Variants in CACNA2D4 observed in about 807,000 individuals in gnomAD.
The protein encoded by CACNA2D4 is voltage-dependent calcium channel subunit alpha-2/delta-4.
In CACNA2D4, 157 loss-of-function variants were observed where a neutral mutation model predicts 163.8. The observed-to-expected ratio is 0.96, with a 90% CI of 0.84 to 1.09. The LOEUF is 1.09. Among genes scored for constraint, CACNA2D4 ranks in the 50% least tolerant of loss-of-function variants. CACNA2D4 has a pLI of 0.00. For synonymous variants in CACNA2D4, 598 were observed against 586.9 expected (o/e 1.02, Z -0.27); for missense variants, 1,410 against 1,479.9 (o/e 0.95, Z 0.78).
chr12:1,809,357 G>C lies in CACNA2D4; in HGVS notation c.2721+921C>G, dbSNP rs112390921. The C allele has an allele frequency of 5.0e-6, 3 of 603,776 alleles. No individual in the cohort carries two copies. In the African/African-American group the frequency reaches 5.6e-5, roughly 11 times the overall value. 37.4% of individuals were successfully genotyped at this position (603,776 alleles called of 1,614,324 possible). ...TTAGACACTGTGTAGTCCAGCCCCC[G>C]GCGAGACACAGCTAATGGAAGTCGC... is the stretch of plus-strand genomic sequence containing the variant. On this transcript the variant is annotated intron_variant, in intron 29 of 37. Coordinates refer to ENST00000382722, the MANE Select transcript of CACNA2D4 (RefSeq NM_172364.5).
At chr12:1,800,772 T>C (rs1863290310) in intron 31 of CACNA2D4, 1 of 593,348 alleles carries the variant, frequency 1.7e-6, no homozygotes, top group African/African-American at 1.9e-5. Flanking sequence ...GGGCTGAGGC[T>C]GGGGCAGGCT....
rs966072611 is a variant in CACNA2D4 at position 1,917,728 on chromosome 12, G to T, written c.227+519C>A. Among the ~76,000 whole-genome samples the T allele has an allele frequency of 6.6e-6, 1 of 152,156 alleles. No individual in the cohort carries two copies. The highest frequency in any genetic ancestry group is 1.5e-5 in the Non-Finnish European group (1 of 68,028). On this transcript the variant is annotated intron_variant, in intron 1 of 37. Coordinates refer to ENST00000382722, the MANE Select transcript of CACNA2D4 (RefSeq NM_172364.5). The surrounding 1 kb of genome is among the most constrained non-coding windows in gnomAD (Gnocchi z 4.3). ...GAAAGGTGTAGAAAGGGAAGACTGCGGCCACCAAAATCCATTTTTTTCCCC... is the reference window on the plus strand; with the variant it reads ...GAAAGGTGTAGAAAGGGAAGACTGCTGCCACCAAAATCCATTTTTTTCCCC...
At chr12:1,871,221 ATG>A (rs1439193881) in intron 18 of CACNA2D4, among the ~76,000 whole-genome samples, 19 of 118,078 alleles carry the variant, frequency 1.6e-4, no homozygotes, top group African/African-American at 4.6e-4. Flanking sequence ...TGCTTCTGGT[ATG>A]TGTGTGTACA....
rs747151454 is a variant in CACNA2D4 at position 1,918,351 on chromosome 12, G to A, written c.123C>T (p.Pro41=). 1.1e-5 allele frequency: 18 copies of A among 1,607,904 alleles called. No individual in the cohort carries two copies. The highest frequency in any genetic ancestry group is 6.7e-5 in the East Asian group (3 of 44,700). The change falls in exon 1 of 38, where the codon CCC becomes CCT. Residue 41 remains proline, a synonymous_variant. Transcript: ENST00000382722. The stretch of plus-strand genomic sequence containing the variant: ...TCTTCTGCACAAAGGCCCAGGCCAC[G>A]GGCATTGGCTGGAGGGGAATCCAGC... ...SSRWIPLQPM[P]VAWAFVQKTS...
intron 29 of CACNA2D4, among the ~76,000 whole-genome samples, chr12:1,803,829 G>A (rs1262436456): frequency 6.6e-6 from 1 of 152,204 alleles, no homozygotes; most frequent in Non-Finnish European, 1.5e-5. Flanking sequence ...TGCATGGACA[G>A]GCAGGGAACA....
chr12:1,860,280 T>C, intron 18 of CACNA2D4, 74 bp from the exon 19 acceptor site: 1 of 1,108,192 alleles, frequency 9.0e-7, no homozygotes, highest in Non-Finnish European at 1.4e-6. Flanking sequence ...CCCCCAGGGC[T>C]CTTGGGGTCT....
At chr12:1,861,772 G>T (rs1450561927) in intron 18 of CACNA2D4, among the ~76,000 whole-genome samples, 1 of 152,000 alleles carries the variant, frequency 6.6e-6, no homozygotes, top group Non-Finnish European at 1.5e-5. Context: ...AGGAAAGGGT[G>T]GATGCACAGA....
At chr12:1,915,213 T>C (rs1249057947) in intron 1 of CACNA2D4, 1 of 702,636 alleles carries the variant, frequency 1.4e-6, no homozygotes, top group South Asian at 1.5e-5. Context: ...TCCTTGTCCC[T>C]AAAGCTACAG....
chr12:1,795,559 G>T, intron 36 of CACNA2D4, 109 bp downstream of exon 36: 2 of 695,236 alleles, frequency 2.9e-6, no homozygotes, highest in South Asian at 1.7e-5. Flanking sequence ...GCCCTGTGGA[G>T]GACACGGGCG....
At chr12:1,811,950 G>A (rs930254565) in intron 26 of CACNA2D4, among the ~76,000 whole-genome samples, 5 of 152,136 alleles carry the variant, frequency 3.3e-5, no homozygotes, top group African/African-American at 9.7e-5. Context: ...GAAGAAGAGC[G>A]ACAGAAAATG....
intron 6 of CACNA2D4, among the ~76,000 whole-genome samples, chr12:1,890,079 G>A (rs1461964007): frequency 6.6e-6 from 1 of 152,190 alleles, no homozygotes; most frequent in Non-Finnish European, 1.5e-5. Context: ...GAAAGGATAA[G>A]TGAGAGACCC....
At chr12:1,831,814 C>T (rs1384145927) in intron 26 of CACNA2D4, among the ~76,000 whole-genome samples, 1 of 147,110 alleles carries the variant, frequency 6.8e-6, no homozygotes, top group Non-Finnish European at 1.5e-5. Context: ...TCCTAGGACT[C>T]ACTGAACTGG....
chr12:1,817,466 C>T (rs1017559423), intron 26 of CACNA2D4, among the ~76,000 whole-genome samples: 1 of 152,062 alleles, frequency 6.6e-6, no homozygotes, highest in Non-Finnish European at 1.5e-5. Flanking sequence ...AGATGACTCC[C>T]TCTCCCCTCT....
intron 36 of CACNA2D4, 132 bp from the exon 37 acceptor site, chr12:1,795,513 C>G (rs191893060): frequency 1.0e-6 from 1 of 987,044 alleles, no homozygotes; most frequent in Non-Finnish European, 1.6e-6. Flanking sequence ...GAGGCAGCAC[C>G]GGGGCCCAGG....
At position 1,828,588 on chromosome 12, in the gene CACNA2D4, TCA is replaced by T. The variant is rs1465001628; in HGVS notation, c.2551+12149_2551+12150del. 2.0e-5 allele frequency among the ~76,000 whole-genome samples: 3 copies of T among 152,226 alleles called. No individual in the cohort carries two copies. The highest frequency in any genetic ancestry group is 4.4e-5 in the Non-Finnish European group (3 of 68,032). On this transcript the variant is annotated intron_variant, in intron 26 of 37. Transcript: ENST00000382722. The surrounding 1 kb of genome is among the most constrained non-coding windows in gnomAD (Gnocchi z 4.2). ...TGGTGCCTGAGCTTGTCGGCCTGTG[TCA>T]CAGACTGCGGCGAGCCCTTTTGCTC...
chr12:1,822,803 A>G (rs546461242), intron 26 of CACNA2D4, among the ~76,000 whole-genome samples: 192 of 152,322 alleles, frequency 1.3e-3, no homozygotes, highest in Non-Finnish European at 2.2e-3. Flanking sequence ...CCAGACAGGC[A>G]GCGGTAGGCG....
At position 1,793,308 on chromosome 12, in the gene CACNA2D4, T is replaced by C; in HGVS notation, c.*347A>G. The C allele has an allele frequency of 3.1e-6, 1 of 325,250 alleles. No individual in the cohort carries two copies. The allele number at this position is 325,250 out of a possible 1,614,324, so 20.1% of individuals were successfully genotyped here. A position where few individuals can be genotyped will look rare whatever the true frequency, so the allele number is the denominator to read the frequency against. On this transcript the variant is annotated 3_prime_UTR_variant, in exon 38 of 38. Coordinates refer to ENST00000382722, the MANE Select transcript of CACNA2D4 (RefSeq NM_172364.5). ...CAACTGACCCTTTCTTGGCTGGGTC[T>C]GGACTCTGGAGTACAGGAAGAACTA...
At chr12:1,909,834 A>G (rs1866771062) in intron 4 of CACNA2D4, 72 bp downstream of exon 4, 1 of 1,367,428 alleles carries the variant, frequency 7.3e-7, no homozygotes, top group East Asian at 2.3e-5. Flanking sequence ...CCGCCACCCT[A>G]TGCCGCCACC....
chr12:1,828,250 G>C lies in CACNA2D4; in HGVS notation c.2551+12489C>G. 7 of 1,480,304 alleles carry C rather than the reference G, an allele frequency of 4.7e-6. No homozygotes were observed. The highest frequency in any genetic ancestry group is 6.4e-6 in the Non-Finnish European group (7 of 1,094,576). The allele number at this position is 1,480,304 out of a possible 1,614,324, so 91.7% of individuals were successfully genotyped here. On this transcript the variant is annotated intron_variant, in intron 26 of 37. Transcript: ENST00000382722. This position sits in a 1 kb window ranked among gnomAD's most constrained non-coding sequence, Gnocchi z 4.2. ...CCCCTGGCCTCGGAGGGGGGTGCGG[G>C]TTGGGTGGGGGTGCCGAGGTGACTG... is the stretch of plus-strand genomic sequence containing the variant.
Sources: allele counts gnomAD v4.1 joint callset (sites outside exome capture counted in the v4.1 genomes callset), GRCh38; gene constraint gnomAD v4.1.1; non-coding constraint Gnocchi (gnomAD v3.1); transcripts MANE v1.5; gene names NCBI Gene and HGNC (gene_info 2026-07-23, HGNC 2026-07-21).